ASTN2: variants seen among roughly 807,000 people sequenced by gnomAD.
ASTN2 encodes astrotactin-2.
A neutral mutation model predicts 139.8 loss-of-function variants in ASTN2; 54 were observed. The observed-to-expected ratio is 0.39, with a 90% confidence interval of 0.31 to 0.48. ASTN2 has a LOEUF of 0.48. Among genes scored for constraint, ASTN2 ranks in the 20% least tolerant of loss-of-function variants. The pLI is 0.95. For missense variants in ASTN2, 1,565 were observed against 1,725.1 expected, an observed-to-expected ratio of 0.91 and a Z score of 1.64; for synonymous variants, 756 against 719.5, an observed-to-expected ratio of 1.05 and a Z score of -0.81.
In ASTN2 at chr9:117,374,369, T is replaced by TAAA. The variant is rs57428022; in HGVS notation, c.442+40125_442+40127dup. ...TTATGAGGCTGCATAAGGGCAGGGT[T>TAAA]AAAAAAAAAAAAAAAAAAAAAAAAG... On this transcript the variant is annotated intron_variant, in intron 1 of 22. Coordinates refer to ENST00000313400, the MANE Select transcript of ASTN2 (RefSeq NM_001365068.1). Among the ~76,000 whole-genome samples, 137 of 87,288 alleles carry TAAA rather than the reference T, an allele frequency of 1.6e-3. 1 individual carries two copies. The highest frequency in any genetic ancestry group is 2.0e-3 in the African/African-American group (37 of 18,108). 57.3% of individuals were successfully genotyped at this position (87,288 alleles called of 152,430 possible).
chr9:116,922,816 C>T (rs1199081023), intron 10 of ASTN2, among the ~76,000 whole-genome samples: 1 of 152,156 alleles, frequency 6.6e-6, no homozygotes, highest in Non-Finnish European at 1.5e-5. Flanking sequence ...GCATATCAAA[C>T]TGCTAAGAAA....
At chr9:116,854,972 C>G (rs922300239) in intron 11 of ASTN2, among the ~76,000 whole-genome samples, 2 of 151,814 alleles carry the variant, frequency 1.3e-5, no homozygotes, top group East Asian at 1.9e-4. Context: ...TTATTCCCCC[C>G]CCACCATTAT....
chr9:116,797,001 TG>T (rs1285262381), intron 13 of ASTN2, among the ~76,000 whole-genome samples: 1 of 151,876 alleles, frequency 6.6e-6, no homozygotes, highest in African/African-American at 2.4e-5. Flanking sequence ...TTTTTTTTTT[TG>T]TAGATATGTG....
intron 4 of ASTN2, among the ~76,000 whole-genome samples, chr9:117,139,729 GACAAAAGAC>G (rs1349908325): frequency 6.6e-6 from 1 of 152,166 alleles, no homozygotes; most frequent in Non-Finnish European, 1.5e-5. Context: ...GAAAGAGCCA[GACAAAAGAC>G]AATGATATCA....
At chr9:117,259,365 A>C (rs2133105472) in intron 2 of ASTN2, among the ~76,000 whole-genome samples, 1 of 152,288 alleles carries the variant, frequency 6.6e-6, no homozygotes, top group East Asian at 1.9e-4. Flanking sequence ...GGCCAAGGGC[A>C]TTTCAAAGTT....
chr9:117,088,305 C>T (rs574708240), intron 5 of ASTN2, among the ~76,000 whole-genome samples: 2 of 152,284 alleles, frequency 1.3e-5, no homozygotes, highest in African/African-American at 4.8e-5. Context: ...GTACCACGTA[C>T]CATCCGCCCT....
intron 13 of ASTN2, among the ~76,000 whole-genome samples, chr9:116,761,755 A>G (rs1753688628): frequency 6.6e-6 from 1 of 152,120 alleles, no homozygotes; most frequent in African/African-American, 2.4e-5. Context: ...GTTAGACTTT[A>G]TCCTGGGCAC....
chr9:117,395,357 A>C lies in ASTN2; in HGVS notation c.442+19140T>G, dbSNP rs545959899. Among the ~76,000 whole-genome samples, 5 of 152,348 alleles carry C rather than the reference A, an allele frequency of 3.3e-5. 1 individual carries two copies. In the South Asian group the frequency reaches 1.0e-3, roughly 32 times the overall value. On this transcript the variant is annotated intron_variant, in intron 1 of 22. Coordinates refer to ENST00000313400, the MANE Select transcript of ASTN2 (RefSeq NM_001365068.1). ...GGGGAGAAGAGGTCTTTAAAAAAAC[A>C]TGCTGGGGAAGTCAAAACAAATTCC...
chr9:117,086,036 T>A (rs1477919191), intron 5 of ASTN2, among the ~76,000 whole-genome samples: 1 of 152,210 alleles, frequency 6.6e-6, no homozygotes, highest in Non-Finnish European at 1.5e-5. Context: ...TTTAGAATAA[T>A]ATGAAATCAT....
At chr9:117,232,786 C>G (rs1832934544) in intron 2 of ASTN2, among the ~76,000 whole-genome samples, 2 of 152,040 alleles carry the variant, frequency 1.3e-5, no homozygotes, top group Non-Finnish European at 2.9e-5. Flanking sequence ...TTGTTGGGAG[C>G]AATTTTTTTT....
Position 116,698,098 on chromosome 9 carries a change from T to TA in ASTN2, c.2806+27672dup. Reference sequence around the variant, plus strand: ...TTCTGCCGGAGCTGTGGTTTGGTGTTATGTGAGCCCTGCCGGGAGGCAGAC... The same window carrying TA: ...TTCTGCCGGAGCTGTGGTTTGGTGTTAATGTGAGCCCTGCCGGGAGGCAGAC... On this transcript the variant is annotated intron_variant, in intron 16 of 22. Transcript: ENST00000313400. This position sits in a 1 kb window ranked among gnomAD's most constrained non-coding sequence, Gnocchi z 4.4. 6.2e-7 allele frequency: 1 copy of TA among 1,614,082 alleles called. No homozygotes were observed. The highest frequency in any genetic ancestry group is 8.5e-7 in the Non-Finnish European group (1 of 1,180,024).
At chr9:117,361,296 G>A (rs185796644) in intron 1 of ASTN2, among the ~76,000 whole-genome samples, 2 of 152,306 alleles carry the variant, frequency 1.3e-5, no homozygotes, top group East Asian at 3.9e-4. Context: ...AAAGGAAACA[G>A]GATTCACCTA....
intron 10 of ASTN2, among the ~76,000 whole-genome samples, chr9:116,933,978 C>CTTTTTTTTTTT (rs1564347617): frequency 6.5e-5 from 2 of 30,742 alleles, no homozygotes; most frequent in African/African-American, 8.6e-5. Flanking sequence ...AAGTGTTAGT[C>CTTTTTTTTTTT]CTTTTTTTTT....
chr9:117,384,710 C>T (rs1022898943), intron 1 of ASTN2, among the ~76,000 whole-genome samples: 6 of 152,170 alleles, frequency 3.9e-5, no homozygotes, highest in Non-Finnish European at 7.3e-5. Flanking sequence ...TCTGCTAAGA[C>T]TCAGAACATT....
intron 19 of ASTN2, among the ~76,000 whole-genome samples, chr9:116,518,608 G>A (rs1367188073): frequency 1.3e-5 from 2 of 151,820 alleles, no homozygotes; most frequent in Admixed American, 6.6e-5. Flanking sequence ...ATTAAAAAAA[G>A]AAAACCCCAA....
At chr9:117,191,944 T>C (rs934287919) in intron 3 of ASTN2, among the ~76,000 whole-genome samples, 3 of 151,892 alleles carry the variant, frequency 2.0e-5, no homozygotes, top group Admixed American at 6.6e-5. Context: ...TGGAAAAGGA[T>C]CATGAGGGAG....
At chr9:117,222,694 A>G (rs1176082606) in intron 2 of ASTN2, among the ~76,000 whole-genome samples, 1 of 152,160 alleles carries the variant, frequency 6.6e-6, no homozygotes, top group Non-Finnish European at 1.5e-5. Flanking sequence ...CATCTACTTT[A>G]TGAACTCCTA....
At chr9:116,929,358 C>T (rs1277521293) in intron 10 of ASTN2, among the ~76,000 whole-genome samples, 1 of 152,160 alleles carries the variant, frequency 6.6e-6, no homozygotes, top group African/African-American at 2.4e-5. Flanking sequence ...GGCCTAGCTA[C>T]AATGCATTCC....
intron 3 of ASTN2, among the ~76,000 whole-genome samples, chr9:117,188,012 G>C (rs895986872): frequency 6.6e-6 from 1 of 152,034 alleles, no homozygotes; most frequent in Non-Finnish European, 1.5e-5. Flanking sequence ...TTTTGAGGTG[G>C]GTAATTATTT....
Sources: gnomAD v4.1 joint callset for allele counts (sites outside exome capture counted in the v4.1 genomes callset) on GRCh38, gnomAD v4.1.1 for gene constraint, Gnocchi (gnomAD v3.1) non-coding constraint, MANE v1.5 for transcripts, NCBI Gene and HGNC (gene_info 2026-07-23, HGNC 2026-07-21) for gene names.